The following DICER1 variants were observed in gnomAD, a reference collection of about 807,000 sequenced individuals.
DICER1 encodes the protein dicer 1, ribonuclease III, also known as endoribonuclease Dicer.
A neutral mutation model predicts 194.1 loss-of-function variants in DICER1; 43 were observed. The ratio of observed to expected loss-of-function variants is 0.22; its 90% CI spans 0.17 to 0.29. The LOEUF (loss-of-function observed/expected upper bound fraction) is 0.29. Ranked by LOEUF, DICER1 falls within the 10% of genes least tolerant of loss-of-function variation. DICER1 has a pLI of 1.00. For missense variants in DICER1, 1,608 were observed against 2,317.0 expected (o/e 0.69, Z 6.28); for synonymous variants, 832 against 820.5 (o/e 1.01, Z -0.24).
At chr14:95,120,318 C>T (rs939993434) in intron 8 of DICER1, among the ~76,000 whole-genome samples, 4 of 152,120 alleles carry the variant, frequency 2.6e-5, no homozygotes, top group South Asian at 2.1e-4. Context: ...GGTGCATAAG[C>T]GGCTGAAGAA....
intron 12 of DICER1, 100 bp from the exon 13 acceptor site, chr14:95,112,347 T>C (rs1892054520): frequency 1.0e-6 from 1 of 953,964 alleles, no homozygotes; most frequent in Non-Finnish European, 1.6e-6. Flanking sequence ...TTTTTAAAGT[T>C]CAATTTACCA....
intron 26 of DICER1, 159 bp from the exon 27 acceptor site, chr14:95,090,822 A>G: frequency 2.0e-6 from 2 of 1,008,428 alleles, no homozygotes; most frequent in Non-Finnish European, 3.1e-6. Flanking sequence ...CATACCCCCG[A>G]CAGACAGGGC....
rs767810552 is a variant in DICER1 at position 95,129,423 on chromosome 14, AT to A, written c.734+48del. The A allele has an allele frequency of 2.5e-6, 4 of 1,574,586 alleles. No homozygotes were observed. The South Asian group carries it at 3.3e-5, about 13-fold the overall frequency. On this transcript the variant is annotated intron_variant, in intron 6 of 26. Coordinates refer to ENST00000343455, the MANE Select transcript of DICER1 (RefSeq NM_177438.3). ...ACTACAAAAACACCAAAGACTTAAT[AT>A]TGTTTTCAACTAATCTCATTAAAGC...
In DICER1 at chr14:95,094,239, A is replaced by C. The variant is rs189650760; in HGVS notation, c.5096-83T>G. On this transcript the variant is annotated intron_variant, in intron 23 of 26. Transcript: ENST00000343455. The stretch of plus-strand genomic sequence containing the variant: ...CATAGCAACTGATCCCCAAATCCGA[A>C]GAAGATTTGTATTTACAATCATTTT... 19 of 1,503,224 alleles carry C rather than the reference A, an allele frequency of 1.3e-5. No homozygotes were observed. In the African/African-American group the frequency reaches 1.9e-4, roughly 15 times the overall value. 93.1% of individuals were successfully genotyped at this position (1,503,224 alleles called of 1,614,324 possible).
chr14:95,151,132 T>C (rs1471930302), intron 1 of DICER1, among the ~76,000 whole-genome samples: 2 of 152,240 alleles, frequency 1.3e-5, no homozygotes, highest in East Asian at 3.8e-4. Context: ...TCAAGGATGA[T>C]GTGTTAATTC....
intron 14 of DICER1, 150 bp from the exon 15 acceptor site, chr14:95,108,653 T>C: frequency 1.3e-6 from 1 of 795,160 alleles, no homozygotes; most frequent in South Asian, 1.5e-5. Flanking sequence ...TCTTAATTAC[T>C]TAACCCTGCT....
At chr14:95,114,622 C>T (rs931554798) in intron 11 of DICER1, among the ~76,000 whole-genome samples, 1 of 151,934 alleles carries the variant, frequency 6.6e-6, no homozygotes, top group African/African-American at 2.4e-5. Flanking sequence ...AATTTTATAC[C>T]GTCTCAAAGT....
chr14:95,100,874 G>C (rs1465335341), intron 21 of DICER1, among the ~76,000 whole-genome samples: 1 of 152,182 alleles, frequency 6.6e-6, no homozygotes, highest in Non-Finnish European at 1.5e-5. Flanking sequence ...ACACAGGCTA[G>C]CAGGGAAAAG....
chr14:95,124,158 C>T lies in DICER1; in HGVS notation c.1376+38G>A, dbSNP rs1893179020. On this transcript the variant is annotated intron_variant, in intron 8 of 26. Coordinates refer to ENST00000343455, the MANE Select transcript of DICER1 (RefSeq NM_177438.3). The surrounding 1 kb of genome is among the most constrained non-coding windows in gnomAD (Gnocchi z 4.5). ...ATCACATCACAACACAGGACGCCTC[C>T]CTGTTCTCATGTGAAAGGAGTCAAC... 6.7e-7 allele frequency: 1 copy of T among 1,486,310 alleles called. No homozygotes were observed. The allele number at this position is 1,486,310 out of a possible 1,614,324, so 92.1% of individuals were successfully genotyped here.
In DICER1 at chr14:95,099,754, ACACACACACACACACAC is replaced by A. The variant is rs773144954; in HGVS notation, c.4206+9_4206+25del. 51 of 1,600,720 alleles carry A rather than the reference ACACACACACACACACAC, an allele frequency of 3.2e-5. No individual in the cohort carries two copies. The highest frequency in any genetic ancestry group is 3.8e-5 in the Non-Finnish European group (45 of 1,176,420). Reference sequence around the variant, plus strand: ...GTTACACACACACACACACACACACACACACACACACACACACAAACTTACCATTTCATCTTTTTCCC... The same window carrying A: ...GTTACACACACACACACACACACACAAAACTTACCATTTCATCTTTTTCCC... On this transcript the variant is annotated intron_variant, in intron 22 of 26. Transcript: ENST00000343455.
intron 21 of DICER1, among the ~76,000 whole-genome samples, chr14:95,100,962 C>T (rs17091818): frequency 0.11 from 16,143 of 152,180 alleles, 1,150 homozygotes; most frequent in East Asian, 0.38. Context: ...TAAATGCTAG[C>T]TTCCCTTTCC....
intron 1 of DICER1, among the ~76,000 whole-genome samples, chr14:95,133,892 T>C (rs1251392873): frequency 6.6e-6 from 1 of 152,240 alleles, no homozygotes; most frequent in African/African-American, 2.4e-5. Context: ...ATATCTGTAG[T>C]TCCTGACACA....
intron 24 of DICER1, among the ~76,000 whole-genome samples, chr14:95,091,696 C>A (rs553153054): frequency 6.6e-6 from 1 of 152,216 alleles, no homozygotes; most frequent in East Asian, 1.9e-4. Context: ...AATTCAAATT[C>A]ACTCGTAATC....
rs1892372389 is a variant in DICER1, at chr14:95,115,657, G to A, written c.1907+10C>T. ...CCCAGGTTTTCCACACAAATGATAT[G>A]ATGCCATACCTATTGATGTGTCCAA... On this transcript the variant is annotated intron_variant, in intron 11 of 26. Transcript: ENST00000343455. 6.2e-7 allele frequency: 1 copy of A among 1,613,814 alleles called. No homozygotes were observed. The highest frequency in any genetic ancestry group is 1.3e-5 in the African/African-American group (1 of 74,878).
At chr14:95,144,055 T>C (rs1197874664) in intron 1 of DICER1, among the ~76,000 whole-genome samples, 1 of 152,174 alleles carries the variant, frequency 6.6e-6, no homozygotes, top group African/African-American at 2.4e-5. Context: ...CTTTTCTAAG[T>C]TGTAGAGCAG....
In DICER1 at chr14:95,105,166, A is replaced by G; in HGVS notation, c.3174T>C (p.Leu1058=). 1 of 1,614,184 alleles carries G rather than the reference A, an allele frequency of 6.2e-7. No individual in the cohort carries two copies. Among genetic ancestry groups the G allele is most frequent in the Non-Finnish European group, 8.5e-7 (1 of 1,180,016 alleles). ...WRKAVCLPSI[L]YRLHCLLTAE... Reference sequence around the variant, plus strand: ...CAGTCAAAAGGCAGTGAAGGCGATAAAGTATGCTGGGGAGACAAACAGCTT... The same window carrying G: ...CAGTCAAAAGGCAGTGAAGGCGATAGAGTATGCTGGGGAGACAAACAGCTT... Residue 1058 remains leucine (L), a synonymous_variant, in exon 20 of 27, where the codon CTT becomes CTC. Coordinates refer to ENST00000343455, the MANE Select transcript of DICER1 (RefSeq NM_177438.3). This position sits in a 1 kb window ranked among gnomAD's most constrained non-coding sequence, Gnocchi z 4.9.
chr14:95,151,883 G>A (rs891797387), intron 1 of DICER1, among the ~76,000 whole-genome samples: 67 of 152,148 alleles, frequency 4.4e-4, no homozygotes, highest in Non-Finnish European at 2.6e-4. Context: ...GACTAAATAC[G>A]ACTAAATACG....
intron 8 of DICER1, among the ~76,000 whole-genome samples, chr14:95,120,276 T>C (rs1405468280): frequency 2.6e-5 from 4 of 152,188 alleles, no homozygotes; most frequent in Admixed American, 2.6e-4. Context: ...GACAGTTACA[T>C]AATAGCATAC....
chr14:95,145,820 G>T (rs1468232732), intron 1 of DICER1, among the ~76,000 whole-genome samples: 1 of 151,530 alleles, frequency 6.6e-6, no homozygotes, highest in Non-Finnish European at 1.5e-5. Context: ...TAACACTATG[G>T]GTATGAACTT....
Sources: gnomAD v4.1 joint callset for allele counts (sites outside exome capture counted in the v4.1 genomes callset) on GRCh38, gnomAD v4.1.1 for gene constraint, Gnocchi (gnomAD v3.1) non-coding constraint, MANE v1.5 for transcripts, NCBI Gene and HGNC (gene_info 2026-07-23, HGNC 2026-07-21) for gene names.